Variants in CSMD1 observed in about 807,000 individuals in gnomAD.
CSMD1 encodes CUB and Sushi multiple domains 1.
A neutral mutation model predicts 417.5 loss-of-function variants in CSMD1; 213 were observed. That is an observed-to-expected ratio of 0.51 (90% CI 0.46 to 0.57). The LOEUF (loss-of-function observed/expected upper bound fraction) is 0.57. Among genes scored for constraint, CSMD1 ranks in the 20% least tolerant of loss-of-function variants. The pLI is 0.00. For synonymous variants in CSMD1, 2,862 were observed against 1,736.8 expected, an observed-to-expected ratio of 1.65 and a Z score of -16.11; for missense variants, 6,923 against 4,529.7, an observed-to-expected ratio of 1.53 and a Z score of -15.17.
chr8:3,842,310 T>A (rs369023502), intron 5 of CSMD1, among the ~76,000 whole-genome samples: 1 of 152,240 alleles, frequency 6.6e-6, no homozygotes, highest in East Asian at 1.9e-4. Flanking sequence ...TCCAGTAGTT[T>A]CTATTGGTAC....
chr8:3,684,968 G>A lies in CSMD1; in HGVS notation c.1009+23446C>T, dbSNP rs919957317. Among the ~76,000 whole-genome samples the A allele has an allele frequency of 4.6e-5, 7 of 152,094 alleles. No individual in the cohort carries two copies. In the East Asian group the frequency reaches 1.3e-3, roughly 29 times the overall value. On this transcript the variant is annotated intron_variant, in intron 7 of 69. Coordinates refer to ENST00000635120, the MANE Select transcript of CSMD1 (RefSeq NM_033225.6). Reference sequence around the variant, plus strand: ...TTAAACTGCCTTTGGAATAACCTGTGGTAGGAAAGTCAATACGGGAATCAA... The same window carrying A: ...TTAAACTGCCTTTGGAATAACCTGTAGTAGGAAAGTCAATACGGGAATCAA...
At chr8:3,448,678 C>G (rs1815492804) in intron 12 of CSMD1, among the ~76,000 whole-genome samples, 1 of 152,066 alleles carries the variant, frequency 6.6e-6, no homozygotes, top group Non-Finnish European at 1.5e-5. Context: ...GGGCATGACC[C>G]ATGACCTTCA....
At chr8:3,861,472 C>T (rs1212930276) in intron 5 of CSMD1, among the ~76,000 whole-genome samples, 1 of 152,098 alleles carries the variant, frequency 6.6e-6, no homozygotes, top group Non-Finnish European at 1.5e-5. Flanking sequence ...TTTGAGAGGC[C>T]ATAGATTTGG....
chr8:3,057,477 T>A (rs1022459883), intron 49 of CSMD1, among the ~76,000 whole-genome samples: 4 of 152,200 alleles, frequency 2.6e-5, no homozygotes, highest in African/African-American at 9.7e-5. Flanking sequence ...TATATATATA[T>A]GTATACACAC....
intron 3 of CSMD1, among the ~76,000 whole-genome samples, chr8:4,316,807 C>G (rs1363147621): frequency 1.3e-5 from 2 of 152,104 alleles, no homozygotes; most frequent in Non-Finnish European, 2.9e-5. Context: ...GTGCTTCCCT[C>G]AAAGTCAGCA....
chr8:4,675,053 G>T (rs1046917087), intron 1 of CSMD1, among the ~76,000 whole-genome samples: 1 of 152,146 alleles, frequency 6.6e-6, no homozygotes, highest in South Asian at 2.1e-4. Context: ...GGACGCACAG[G>T]GCTCCAGAAC....
intron 9 of CSMD1, among the ~76,000 whole-genome samples, chr8:3,578,297 A>T (rs902726073): frequency 2.0e-4 from 28 of 136,968 alleles, no homozygotes; most frequent in Non-Finnish European, 3.7e-4. Flanking sequence ...TGTACTGAGT[A>T]GATCCAATGA....
At chr8:4,146,451 G>C (rs1022398115) in intron 3 of CSMD1, among the ~76,000 whole-genome samples, 3 of 150,722 alleles carry the variant, frequency 2.0e-5, no homozygotes, top group Middle Eastern at 3.4e-3. Flanking sequence ...TCAGCAGTAA[G>C]TGTAGAGTTA....
rs533887051 is a variant in CSMD1, at chr8:4,584,024, G to A, written c.302+53318C>T. Among the ~76,000 whole-genome samples the A allele has an allele frequency of 1.5e-3, 232 of 151,378 alleles. 3 individuals carry two copies. Among genetic ancestry groups the A allele is most frequent in the African/African-American group, 5.3e-3 (218 of 41,238 alleles). On this transcript the variant is annotated intron_variant, in intron 2 of 69. Transcript: ENST00000635120. ...AGGAACGAACAACTCCAGATGCGCC[G>A]CCTTAAGAGCTATAACACTCACTAC...
chr8:3,635,393 GA>G (rs1796984726), intron 7 of CSMD1, among the ~76,000 whole-genome samples: 1 of 151,846 alleles, frequency 6.6e-6, no homozygotes, highest in South Asian at 2.1e-4. Context: ...AGAATCACTT[GA>G]ACCCGGTTGA....
intron 63 of CSMD1, 88 bp from the exon 64 acceptor site, chr8:2,955,856 G>C: frequency 1.7e-6 from 2 of 1,190,336 alleles, no homozygotes; most frequent in East Asian, 4.7e-5. Context: ...AAATAGTTTG[G>C]AAATGGTTAT....
chr8:3,301,536 G>C (rs909275103), intron 25 of CSMD1, among the ~76,000 whole-genome samples: 4 of 152,140 alleles, frequency 2.6e-5, no homozygotes, highest in African/African-American at 9.7e-5. Context: ...AATTTTTGCT[G>C]AGCCCTAAGA....
In CSMD1 at chr8:3,599,764, T is replaced by A. The variant is rs559882282; in HGVS notation, c.1098-13504A>T. Among the ~76,000 whole-genome samples the A allele has an allele frequency of 3.3e-5, 5 of 152,316 alleles. No homozygotes were observed. The South Asian group carries it at 1.0e-3, about 32-fold the overall frequency. On this transcript the variant is annotated intron_variant, in intron 8 of 69. Transcript: ENST00000635120. ...ACTCCTCTCTTCTTTCACCAGGTGG[T>A]CCTTCCCGCTTGGCATGGGCAACTC...
chr8:4,879,120 G>A (rs534610084), intron 1 of CSMD1, among the ~76,000 whole-genome samples: 4 of 152,118 alleles, frequency 2.6e-5, no homozygotes, highest in Admixed American at 6.5e-5. Flanking sequence ...TATCATTTAC[G>A]TATTGAGCAA....
chr8:4,006,069 G>A (rs1816085513), intron 4 of CSMD1, among the ~76,000 whole-genome samples: 1 of 152,184 alleles, frequency 6.6e-6, no homozygotes, highest in Non-Finnish European at 1.5e-5. Flanking sequence ...TGAGCTGGAG[G>A]AAGAGCATTC....
At chr8:3,904,374 T>C (rs188875355) in intron 5 of CSMD1, among the ~76,000 whole-genome samples, 2 of 152,168 alleles carry the variant, frequency 1.3e-5, no homozygotes, top group Non-Finnish European at 2.9e-5. Context: ...TAACTCTTTA[T>C]TGCAATGGAA....
chr8:3,294,167 G>A (rs953468594), intron 25 of CSMD1, among the ~76,000 whole-genome samples: 1 of 152,202 alleles, frequency 6.6e-6, no homozygotes, highest in Non-Finnish European at 1.5e-5. Flanking sequence ...AAATGCTGCT[G>A]TCTGATCATT....
chr8:4,375,465 G>GT (rs1482331321), intron 3 of CSMD1, among the ~76,000 whole-genome samples: 3 of 152,138 alleles, frequency 2.0e-5, no homozygotes, highest in Non-Finnish European at 4.4e-5. Flanking sequence ...CCCGTTTGTA[G>GT]TTTTACAGTC....
intron 3 of CSMD1, among the ~76,000 whole-genome samples, chr8:4,345,745 C>T (rs1800742301): frequency 6.6e-6 from 1 of 151,994 alleles, no homozygotes; most frequent in African/African-American, 2.4e-5. Flanking sequence ...CAAATCAGAA[C>T]TATAATGTGC....
Sources: gnomAD v4.1 joint callset for allele counts (sites outside exome capture counted in the v4.1 genomes callset) on GRCh38, gnomAD v4.1.1 for gene constraint, MANE v1.5 for transcripts, NCBI Gene and HGNC (gene_info 2026-07-23, HGNC 2026-07-21) for gene names.